Variants in SLTM observed in about 807,000 individuals in gnomAD.
SLTM encodes the protein SAFB-like transcription modulator.
A neutral mutation model predicts 134.6 loss-of-function variants in SLTM; 43 were observed. The observed-to-expected ratio is 0.32, with a 90% CI of 0.25 to 0.41. SLTM has a LOEUF of 0.41. Ranked by LOEUF, SLTM falls within the 10% of genes least tolerant of loss-of-function variation. SLTM has a pLI of 1.00. For missense variants in SLTM, 1,055 were observed against 1,288.8 expected (o/e 0.82, Z 2.78); for synonymous variants, 424 against 432.3 (o/e 0.98, Z 0.24).
rs182810872 is a variant in SLTM, at chr15:58,923,997, T to G, written c.251-6998A>C. On this transcript the variant is annotated intron_variant, in intron 2 of 20. Transcript: ENST00000380516. ...ACCCAGCTAATTTTTGTATTTTTAA[T>G]AGAGACAGGGTTTCATCATGTTGGC... 5.6e-4 allele frequency among the ~76,000 whole-genome samples: 85 copies of G among 152,062 alleles called. 1 individual carries two copies. The South Asian group carries it at 6.4e-3, about 12-fold the overall frequency.
chr15:58,902,361 T>G (rs1444464419), intron 5 of SLTM, among the ~76,000 whole-genome samples: 1 of 150,682 alleles, frequency 6.6e-6, no homozygotes, highest in South Asian at 2.1e-4. Context: ...TGCAAACCAC[T>G]ACGCTTGGCT....
intron 1 of SLTM, 115 bp from the exon 2 acceptor site, chr15:58,932,558 C>T: frequency 1.5e-6 from 1 of 662,108 alleles, no homozygotes; most frequent in South Asian, 1.9e-5. Context: ...AATTGCCAGT[C>T]ATTTCATCAA....
chr15:58,918,340 T>C (rs1567151375), intron 2 of SLTM, among the ~76,000 whole-genome samples: 1 of 152,208 alleles, frequency 6.6e-6, no homozygotes, highest in Non-Finnish European at 1.5e-5. Context: ...TACTACCTAG[T>C]TCAAGCTTCA....
intron 14 of SLTM, among the ~76,000 whole-genome samples, chr15:58,891,292 C>T (rs1306215697): frequency 7.9e-5 from 12 of 152,126 alleles, no homozygotes; most frequent in African/African-American, 2.9e-4. Context: ...TGAGGATAGT[C>T]GTACACAACA....
intron 5 of SLTM, among the ~76,000 whole-genome samples, chr15:58,907,467 C>A (rs560395883): frequency 6.6e-6 from 1 of 152,168 alleles, no homozygotes; most frequent in East Asian, 1.9e-4. Context: ...ACAAAAAATA[C>A]AAAAGTCAGA....
intron 4 of SLTM, among the ~76,000 whole-genome samples, chr15:58,913,255 T>C (rs1220314026): frequency 2.0e-5 from 3 of 152,072 alleles, no homozygotes; most frequent in Non-Finnish European, 2.9e-5. Context: ...TTATACGTCA[T>C]GTGAAAATAC....
chr15:58,890,870 TAAAC>T (rs1271057374), intron 14 of SLTM, among the ~76,000 whole-genome samples: 1 of 152,232 alleles, frequency 6.6e-6, no homozygotes, highest in Non-Finnish European at 1.5e-5. Context: ...TGTATCTCCT[TAAAC>T]AAGTACATAC....
intron 5 of SLTM, among the ~76,000 whole-genome samples, chr15:58,906,116 A>G (rs1047041963): frequency 1.2e-4 from 18 of 152,238 alleles, no homozygotes; most frequent in African/African-American, 4.1e-4. Context: ...AATACTTGCA[A>G]TAAGGAAACA....
chr15:58,920,396 G>C (rs1313407675), intron 2 of SLTM, among the ~76,000 whole-genome samples: 1 of 151,984 alleles, frequency 6.6e-6, no homozygotes, highest in African/African-American at 2.4e-5. Flanking sequence ...GGCCAAGGTA[G>C]GTGGATCATC....
intron 5 of SLTM, 103 bp downstream of exon 5, chr15:58,912,460 A>T: frequency 9.5e-7 from 1 of 1,051,672 alleles, no homozygotes; most frequent in Non-Finnish European, 1.5e-6. Flanking sequence ...TATTAAATTT[A>T]AGACAGTTAT....
Position 58,890,354 on chromosome 15 carries a change from A to G in SLTM, c.2006T>C (p.Ile669Thr), listed in dbSNP as rs1310807662. The G allele has an allele frequency of 4.3e-6, 7 of 1,613,638 alleles. No individual in the cohort carries two copies. Among genetic ancestry groups the G allele is most frequent in the Non-Finnish European group, 5.1e-6 (6 of 1,179,932 alleles). ...CTCTCTCTCTAGTTTTTGCCTTTCA[A>G]TTTCTAGGCGCTCTCTCTCTCTCTG... ...RLQRERERLE[I>T]ERQKLERERM... Residue 669 changes from isoleucine (I) to threonine (T), a missense_variant, in exon 15 of 21, where the codon ATT (isoleucine) becomes ACT (threonine). Around this residue, in one of 3 missense-constraint regions of SLTM, gnomAD observed 776 missense variants for 962.2 expected, o/e 0.81. Coordinates refer to ENST00000380516, the MANE Select transcript of SLTM (RefSeq NM_024755.4).
At chr15:58,893,150 G>A in intron 13 of SLTM, 90 bp from the exon 14 acceptor site, 1 of 1,408,564 alleles carries the variant, frequency 7.1e-7, no homozygotes, top group Non-Finnish European at 9.7e-7. Flanking sequence ...AAGTTCAAAT[G>A]ACTAGTAACA....
chr15:58,892,857 C>T, intron 14 of SLTM, 40 bp downstream of exon 14: 2 of 1,558,172 alleles, frequency 1.3e-6, no homozygotes, highest in Middle Eastern at 1.7e-4. Flanking sequence ...AAATATTTAC[C>T]TATATTTAAA....
chr15:58,916,326 A>G (rs1011139665), intron 3 of SLTM, among the ~76,000 whole-genome samples: 2 of 152,066 alleles, frequency 1.3e-5, no homozygotes, highest in Non-Finnish European at 2.9e-5. Flanking sequence ...GGCATGCGCC[A>G]CCACACCTGG....
Position 58,883,715 on chromosome 15 carries a change from A to C in SLTM, c.2907T>G (p.His969Gln). 1 of 1,613,994 alleles carries C rather than the reference A, an allele frequency of 6.2e-7. No homozygotes were observed. The highest frequency in any genetic ancestry group is 8.5e-7 in the Non-Finnish European group (1 of 1,179,982). The change falls in exon 20 of 21, where the codon CAT (histidine) becomes CAG (glutamine). Residue 969 changes from histidine (H) to glutamine (Q), a missense_variant. Transcript: ENST00000380516. ...RDTSGPRKEW[H>Q]GPPSQGPSYH... ...AGCTAGGCCCTTGAGAGGGTGGACC[A>C]TGCCACTCTTTCCTTGGTCCGCTTG...
Position 58,888,534 on chromosome 15 carries a change from G to A in SLTM, c.2226C>T (p.Ser742=), listed in dbSNP as rs146764093. 2.8e-4 allele frequency: 446 copies of A among 1,613,292 alleles called. No individual in the cohort carries two copies. The highest frequency in any genetic ancestry group is 3.5e-4 in the South Asian group (32 of 90,992). The change falls in exon 17 of 21, where the codon AGC becomes AGT. Residue 742 remains serine (S), a synonymous_variant. Transcript: ENST00000380516. ...VDHRRDDPYW[S]ENKKLSLDTD... is the part of the protein sequence containing the mutation. ...TATCTAGAGACAACTTTTTATTCTC[G>A]CTCCAGTAAGGATCATCTCGCCTTG...
chr15:58,903,539 T>C (rs184724435), intron 5 of SLTM, among the ~76,000 whole-genome samples: 2 of 98,084 alleles, frequency 2.0e-5, no homozygotes, highest in Non-Finnish European at 3.8e-5. Flanking sequence ...AGAATGTGCA[T>C]CTGACGGGGA....
intron 5 of SLTM, among the ~76,000 whole-genome samples, chr15:58,907,059 T>C (rs1390233133): frequency 1.3e-5 from 2 of 152,096 alleles, no homozygotes. Flanking sequence ...GTGAACCATA[T>C]AAGATATATC....
Position 58,899,852 on chromosome 15 carries a change from A to G in SLTM, c.675T>C (p.Ala225=). ...EGSLAEADHT[A]HEEMEAHTTV... is the part of the protein sequence containing the mutation. Reference sequence around the variant, plus strand: ...TCGTATGAGCTTCCATCTCTTCATGAGCTGTGTGATCAGCCTCAGCTAGGC... The same window carrying G: ...TCGTATGAGCTTCCATCTCTTCATGGGCTGTGTGATCAGCCTCAGCTAGGC... The change falls in exon 7 of 21, where the codon GCT becomes GCC. Residue 225 remains alanine, a synonymous_variant. Coordinates refer to ENST00000380516, the MANE Select transcript of SLTM (RefSeq NM_024755.4). The surrounding 1 kb of genome is among the most constrained non-coding windows in gnomAD (Gnocchi z 5.0). The G allele has an allele frequency of 6.2e-7, 1 of 1,614,100 alleles. No individual in the cohort carries two copies. Among genetic ancestry groups the G allele is most frequent in the Non-Finnish European group, 8.5e-7 (1 of 1,180,016 alleles).
Sources: gnomAD v4.1 joint callset for allele counts (sites outside exome capture counted in the v4.1 genomes callset) on GRCh38, gnomAD v4.1.1 for gene constraint, gnomAD v4.1.1 regional missense constraint, Gnocchi (gnomAD v3.1) non-coding constraint, MANE v1.5 for transcripts, NCBI Gene and HGNC (gene_info 2026-07-23, HGNC 2026-07-21) for gene names.